The following PLCG1 variants were observed in gnomAD, a reference collection of about 807,000 sequenced individuals.
PLCG1 encodes the protein phospholipase C gamma 1.
In PLCG1, 71 loss-of-function variants were observed where a neutral mutation model predicts 177.8. The observed-to-expected ratio is 0.40, with a 90% confidence interval of 0.33 to 0.49. The LOEUF (loss-of-function observed/expected upper bound fraction) is 0.49. Ranked by LOEUF, PLCG1 falls within the 20% of genes least tolerant of loss-of-function variation. The probability of loss-of-function intolerance (pLI) is 0.72; values close to 1 mark genes in which losing one functional copy is unlikely to be tolerated. For missense variants in PLCG1, 1,281 were observed against 1,709.0 expected, an observed-to-expected ratio of 0.75 and a Z score of 4.42; for synonymous variants, 658 against 647.9, an observed-to-expected ratio of 1.02 and a Z score of -0.24.
At chr20:41,142,243 G>A (rs1479914599) in intron 1 of PLCG1, among the ~76,000 whole-genome samples, 1 of 152,230 alleles carries the variant, frequency 6.6e-6, no homozygotes, top group African/African-American at 2.4e-5. Flanking sequence ...TGTCTGTGCC[G>A]AGGCTAAGGA....
intron 1 of PLCG1, among the ~76,000 whole-genome samples, chr20:41,143,951 C>T (rs2034912082): frequency 6.6e-6 from 1 of 152,232 alleles, no homozygotes; most frequent in Non-Finnish European, 1.5e-5. Context: ...CCAATCTTTT[C>T]CACCACTAAG....
Position 41,174,385 on chromosome 20 carries a change from TG to T in PLCG1, c.3833+77del. ...CTCCTTCTTCAGTGTTTCTTTCTCC[TG>T]GGTAGAAAAGTTGTAATATTGTCTG... On this transcript the variant is annotated intron_variant, in intron 31 of 31. Coordinates refer to ENST00000685551, the MANE Select transcript of PLCG1 (RefSeq NM_002660.3). This position sits in a 1 kb window ranked among gnomAD's most constrained non-coding sequence, Gnocchi z 5.8. 1 of 1,600,848 alleles carries T rather than the reference TG, an allele frequency of 6.2e-7. No homozygotes were observed. The highest frequency in any genetic ancestry group is 8.6e-7 in the Non-Finnish European group (1 of 1,169,082).
intron 1 of PLCG1, chr20:41,138,113 C>T (rs1184374598): frequency 3.0e-6 from 1 of 333,048 alleles, no homozygotes. Flanking sequence ...TGCCCTGAGG[C>T]CTAAAAATCC....
At position 41,173,577 on chromosome 20, in the gene PLCG1, A is replaced by C. The variant is rs774869502; in HGVS notation, c.3394+43A>C. 5.6e-6 allele frequency: 9 copies of C among 1,613,938 alleles called. No homozygotes were observed. In the South Asian group the frequency reaches 9.9e-5, roughly 18 times the overall value. On this transcript the variant is annotated intron_variant, in intron 28 of 31. Transcript: ENST00000685551. The surrounding 1 kb of genome is among the most constrained non-coding windows in gnomAD (Gnocchi z 6.2). The stretch of plus-strand genomic sequence containing the variant: ...GTCATCCTCCTCATCCTGCTGGGGC[A>C]CTGCAAGCCTCTCCCCACCAGTCAT...
At chr20:41,162,013 T>C (rs1190662114) in intron 4 of PLCG1, among the ~76,000 whole-genome samples, 1 of 151,836 alleles carries the variant, frequency 6.6e-6, no homozygotes, top group African/African-American at 2.4e-5. Context: ...GGGCAGCAGG[T>C]AGGGACCTGC....
intron 1 of PLCG1, among the ~76,000 whole-genome samples, chr20:41,154,459 T>G (rs2035258022): frequency 6.6e-6 from 1 of 152,246 alleles, no homozygotes; most frequent in African/African-American, 2.4e-5. Flanking sequence ...GCTCTTCTCT[T>G]TCTCTTCCCT....
Position 41,163,146 on chromosome 20 carries a change from G to T in PLCG1, c.717-57G>T, listed in dbSNP as rs1416323576. 7.8e-5 allele frequency: 120 copies of T among 1,531,564 alleles called. No homozygotes were observed. The South Asian group carries it at 1.5e-3, about 19-fold the overall frequency. The allele number at this position is 1,531,564 out of a possible 1,614,324, so 94.9% of individuals were successfully genotyped here. On this transcript the variant is annotated intron_variant, in intron 7 of 31. Coordinates refer to ENST00000685551, the MANE Select transcript of PLCG1 (RefSeq NM_002660.3). The surrounding 1 kb of genome is among the most constrained non-coding windows in gnomAD (Gnocchi z 5.2). ...GGCTGGGAGTTGGGTTCTGCCTTCC[G>T]TGGGGCACCTTGTTGTCTGTTGACC...
chr20:41,170,294 G>A (rs568028430), intron 24 of PLCG1, 25 bp downstream of exon 24: 1 of 1,613,650 alleles, frequency 6.2e-7, no homozygotes, highest in South Asian at 1.1e-5. Flanking sequence ...GAACCTTCTG[G>A]GGGGCAGTGT....
chr20:41,150,828 T>A lies in PLCG1; in HGVS notation c.218-8778T>A, dbSNP rs548666992. On this transcript the variant is annotated intron_variant, in intron 1 of 31. Transcript: ENST00000685551. This position sits in a 1 kb window ranked among gnomAD's most constrained non-coding sequence, Gnocchi z 4.0. ...CTCCAAGACATTGCTCTACACACACTCAGCTCCACAGACACCTCCCTGTTG... is the reference window on the plus strand; with the variant it reads ...CTCCAAGACATTGCTCTACACACACACAGCTCCACAGACACCTCCCTGTTG... Among the ~76,000 whole-genome samples the A allele has an allele frequency of 6.6e-6, 1 of 152,126 alleles. No individual in the cohort carries two copies.
chr20:41,155,496 G>A (rs1268161134), intron 1 of PLCG1, among the ~76,000 whole-genome samples: 1 of 152,190 alleles, frequency 6.6e-6, no homozygotes, highest in Non-Finnish European at 1.5e-5. Context: ...TGCTGGTGGG[G>A]CACTGCAGGC....
In PLCG1 at chr20:41,137,587, C is replaced by A; in HGVS notation, c.-55C>A. 1 of 1,123,120 alleles carries A rather than the reference C, an allele frequency of 8.9e-7. No individual in the cohort carries two copies. The highest frequency in any genetic ancestry group is 1.1e-6 in the Non-Finnish European group (1 of 879,570). The allele number at this position is 1,123,120 out of a possible 1,614,324, so 69.6% of individuals were successfully genotyped here. On this transcript the variant is annotated 5_prime_UTR_variant, in exon 1 of 32. Transcript: ENST00000685551. This position sits in a 1 kb window ranked among gnomAD's most constrained non-coding sequence, Gnocchi z 7.3. Reference sequence around the variant, plus strand: ...GCCCCAACCTCAGCCGCCGCCGTTGCGCTTGCTCCCGGGCGGTCCTGGCCT... The same window carrying A: ...GCCCCAACCTCAGCCGCCGCCGTTGAGCTTGCTCCCGGGCGGTCCTGGCCT...
Position 41,170,248 on chromosome 20 carries a change from G to A in PLCG1, c.2787G>A (p.Val929=), listed in dbSNP as rs1283566452. Residue 929 remains valine (V), a synonymous_variant, in exon 24 of 32, where the codon GTG becomes GTA. Transcript: ENST00000685551. ...ACTGGGTGAAAAAGATCCGTGAAGTGGCCCAGACAGCAGACGCCAGGGTGA... is the reference window on the plus strand; with the variant it reads ...ACTGGGTGAAAAAGATCCGTGAAGTAGCCCAGACAGCAGACGCCAGGGTGA... ...LQDWVKKIRE[V]AQTADARLTE... 14 of 1,614,004 alleles carry A rather than the reference G, an allele frequency of 8.7e-6. No individual in the cohort carries two copies. Among genetic ancestry groups the A allele is most frequent in the Non-Finnish European group, 1.1e-5 (13 of 1,180,014 alleles).
chr20:41,165,009 G>T lies in PLCG1; in HGVS notation c.1294G>T (p.Val432Leu). The T allele has an allele frequency of 1.2e-6, 2 of 1,614,206 alleles. No homozygotes were observed. Among genetic ancestry groups the T allele is most frequent in the Non-Finnish European group, 1.7e-6 (2 of 1,180,034 alleles). The change falls in exon 13 of 32, where the codon GTG becomes TTG. Residue 432 changes from valine to leucine, a missense_variant. Physicochemically the swap from Val to Leu is conservative, Grantham distance 32. Coordinates refer to ENST00000685551, the MANE Select transcript of PLCG1 (RefSeq NM_002660.3). The surrounding 1 kb of genome is among the most constrained non-coding windows in gnomAD (Gnocchi z 6.6). ...QRNMAQYFKKVLGDTLLTKPV... is the reference protein window; with the variant it reads ...QRNMAQYFKKLLGDTLLTKPV... ...AAACATGGCCCAATACTTCAAGAAG[G>T]TGCTGGGGGACACACTCCTCACCAA...
rs2035805551 is a variant in PLCG1 at position 41,169,090 on chromosome 20, A to ACTAC, written c.2496_2499dup (p.Gly834LeufsTer56). 6.2e-7 allele frequency: 1 copy of ACTAC among 1,613,458 alleles called. No homozygotes were observed. The highest frequency in any genetic ancestry group is 8.5e-7 in the Non-Finnish European group (1 of 1,179,502). On this transcript the variant is annotated frameshift_variant, in exon 22 of 32. Coordinates refer to ENST00000685551, the MANE Select transcript of PLCG1 (RefSeq NM_002660.3). LOFTEE classifies it high-confidence loss of function. Reference sequence around the variant, plus strand: ...TGTGGCTCCCACAGGTGGCGAGGGGACTACGGAGGGAAGAAGCAGCTGTGG... The same window carrying ACTAC: ...TGTGGCTCCCACAGGTGGCGAGGGGACTACCTACGGAGGGAAGAAGCAGCTGTGG...
At position 41,165,136 on chromosome 20, in the gene PLCG1, TTC is replaced by T. The variant is rs751335141; in HGVS notation, c.1386+38_1386+39del. ...CGGGCTTATTGCGGAAGCCCCACAC[TTC>T]TCAGTGCCTTGCCCAGGCCATGGCT... is the stretch of plus-strand genomic sequence containing the variant. On this transcript the variant is annotated intron_variant, in intron 13 of 31. Transcript: ENST00000685551. The surrounding 1 kb of genome is among the most constrained non-coding windows in gnomAD (Gnocchi z 6.6). 1 of 1,605,164 alleles carries T rather than the reference TTC, an allele frequency of 6.2e-7. No individual in the cohort carries two copies. The highest frequency in any genetic ancestry group is 1.1e-5 in the South Asian group (1 of 89,872).
chr20:41,168,912 G>GC (rs1568753640), intron 21 of PLCG1, 42 bp downstream of exon 21: 7 of 1,402,292 alleles, frequency 5.0e-6, no homozygotes, highest in Admixed American at 3.4e-5. Context: ...AAGGGCCCCA[G>GC]TGGAGCTGGG....
At chr20:41,158,287 C>T (rs2146028934) in intron 1 of PLCG1, among the ~76,000 whole-genome samples, 1 of 152,240 alleles carries the variant, frequency 6.6e-6, no homozygotes, top group African/African-American at 2.4e-5. Context: ...GGGGGCTGGC[C>T]AGGCAAATGC....
At chr20:41,155,572 A>C (rs2035295180) in intron 1 of PLCG1, among the ~76,000 whole-genome samples, 2 of 152,158 alleles carry the variant, frequency 1.3e-5, no homozygotes, top group African/African-American at 4.8e-5. Flanking sequence ...CCTTCTCCCC[A>C]TACAATGCCC....
At chr20:41,143,560 C>G (rs996580625) in intron 1 of PLCG1, among the ~76,000 whole-genome samples, 2 of 152,154 alleles carry the variant, frequency 1.3e-5, no homozygotes, top group Non-Finnish European at 2.9e-5. Context: ...GAGGGAATCT[C>G]TGAGAGCAGC....
Sources: gnomAD v4.1 joint callset for allele counts (sites outside exome capture counted in the v4.1 genomes callset) on GRCh38, gnomAD v4.1.1 for gene constraint, Gnocchi (gnomAD v3.1) non-coding constraint, MANE v1.5 for transcripts, NCBI Gene and HGNC (gene_info 2026-07-23, HGNC 2026-07-21) for gene names.